PARD3B: variants seen among roughly 807,000 people sequenced by gnomAD.
PARD3B encodes partitioning defective 3 homolog B.
In PARD3B, 103 loss-of-function variants were observed where a neutral mutation model predicts 130.2. The observed-to-expected ratio is 0.79, with a 90% CI of 0.67 to 0.93. The LOEUF is 0.93. PARD3B is among the 40% of genes least tolerant of loss of function. PARD3B has a pLI of 0.00. For missense variants in PARD3B, 1,609 were observed against 1,499.2 expected (o/e 1.07, Z -1.21); for synonymous variants, 583 against 553.2 (o/e 1.05, Z -0.76).
chr2:205,604,473 A>G (rs538229433), intron 22 of PARD3B, among the ~76,000 whole-genome samples: 2 of 152,294 alleles, frequency 1.3e-5, no homozygotes, highest in African/African-American at 2.4e-5. Context: ...CCATTATTCA[A>G]TTACCTCCTA....
chr2:204,745,407 C>CTTT (rs71032405), intron 2 of PARD3B, among the ~76,000 whole-genome samples: 1 of 140,994 alleles, frequency 7.1e-6, no homozygotes, highest in Non-Finnish European at 1.6e-5. Flanking sequence ...TAAATACTAC[C>CTTT]TTTTTTTTTT....
intron 10 of PARD3B, among the ~76,000 whole-genome samples, chr2:205,150,820 A>G (rs1475856998): frequency 6.6e-6 from 1 of 152,194 alleles, no homozygotes; most frequent in Non-Finnish European, 1.5e-5. Flanking sequence ...TTGAACTCAC[A>G]GAGTAGAATG....
intron 16 of PARD3B, among the ~76,000 whole-genome samples, chr2:205,289,177 T>C (rs1038517884): frequency 6.6e-6 from 1 of 152,146 alleles, no homozygotes. Flanking sequence ...GTAAAGGAGA[T>C]AGAAGATGAT....
chr2:204,891,416 G>C (rs2046441312), intron 2 of PARD3B, among the ~76,000 whole-genome samples: 1 of 152,098 alleles, frequency 6.6e-6, no homozygotes, highest in Non-Finnish European at 1.5e-5. Context: ...TGCGTGCAAG[G>C]TCTCTGTATT....
chr2:205,178,178 A>AAAAAG (rs2035583674), intron 13 of PARD3B, among the ~76,000 whole-genome samples: 1 of 137,428 alleles, frequency 7.3e-6, no homozygotes, highest in Non-Finnish European at 1.6e-5. Flanking sequence ...AAAAAAAAAA[A>AAAAAG]TTAGTCTGAT....
chr2:204,798,337 T>G (rs556961545), intron 2 of PARD3B, among the ~76,000 whole-genome samples: 6 of 152,282 alleles, frequency 3.9e-5, no homozygotes, highest in African/African-American at 1.2e-4. Flanking sequence ...GTGGCACTCA[T>G]GGAGGGAGCA....
At chr2:204,754,038 G>A (rs1259748080) in intron 2 of PARD3B, among the ~76,000 whole-genome samples, 1 of 152,182 alleles carries the variant, frequency 6.6e-6, no homozygotes, top group African/African-American at 2.4e-5. Flanking sequence ...GCAAGTGTCT[G>A]TAAAGTTACT....
At chr2:205,089,052 T>A (rs1701926778) in intron 4 of PARD3B, among the ~76,000 whole-genome samples, 1 of 152,002 alleles carries the variant, frequency 6.6e-6, no homozygotes, top group Non-Finnish European at 1.5e-5. Flanking sequence ...CCACCTGCCT[T>A]GGCCTCCCAA....
chr2:205,575,465 G>A lies in PARD3B; in HGVS notation c.3260+22062G>A, dbSNP rs969687465. Among the ~76,000 whole-genome samples the A allele has an allele frequency of 1.3e-5, 2 of 151,982 alleles. No individual in the cohort carries two copies. The highest frequency in any genetic ancestry group is 4.8e-5 in the African/African-American group (2 of 41,384). ...TGGACAAGTGTATAATGACATGTAT[G>A]TATCATTATAGTATCATGCAAAGTG... On this transcript the variant is annotated intron_variant, in intron 22 of 22. Transcript: ENST00000406610. This position sits in a 1 kb window ranked among gnomAD's most constrained non-coding sequence, Gnocchi z 4.6.
intron 5 of PARD3B, among the ~76,000 whole-genome samples, chr2:205,107,356 T>C (rs1307787906): frequency 1.3e-5 from 2 of 152,222 alleles, no homozygotes; most frequent in African/African-American, 2.4e-5. Context: ...ACCTGTGCAA[T>C]CTTGGACTAA....
At chr2:204,580,354 C>A (rs984249548) in intron 1 of PARD3B, among the ~76,000 whole-genome samples, 19 of 152,088 alleles carry the variant, frequency 1.2e-4, no homozygotes, top group African/African-American at 4.6e-4. Context: ...GAAACCCAGG[C>A]CTTCTTTCTG....
intron 18 of PARD3B, among the ~76,000 whole-genome samples, chr2:205,363,099 C>T (rs1354662953): frequency 6.6e-6 from 1 of 152,024 alleles, no homozygotes; most frequent in African/African-American, 2.4e-5. Flanking sequence ...CACTGGAGGG[C>T]GGTATTAAAA....
intron 7 of PARD3B, among the ~76,000 whole-genome samples, chr2:205,120,047 A>G (rs987267570): frequency 6.6e-6 from 1 of 152,084 alleles, no homozygotes; most frequent in Non-Finnish European, 1.5e-5. Context: ...TCAATATTGT[A>G]TGCGTGTTTG....
intron 2 of PARD3B, among the ~76,000 whole-genome samples, chr2:204,925,729 C>A (rs1209246658): frequency 6.6e-6 from 1 of 152,002 alleles, no homozygotes; most frequent in African/African-American, 2.4e-5. Context: ...CTCATTCTTA[C>A]CCCTACTGAT....
chr2:205,367,301 A>G (rs998198407), intron 18 of PARD3B, among the ~76,000 whole-genome samples: 4 of 152,216 alleles, frequency 2.6e-5, no homozygotes, highest in Admixed American at 2.6e-4. Context: ...TGTTGTTTAT[A>G]TGAAGAGTCA....
At chr2:204,854,835 A>G (rs2044856241) in intron 2 of PARD3B, among the ~76,000 whole-genome samples, 1 of 152,140 alleles carries the variant, frequency 6.6e-6, no homozygotes, top group African/African-American at 2.4e-5. Context: ...GCGCGCCAGG[A>G]AAATTTAGGT....
At chr2:204,821,217 G>A (rs1033470455) in intron 2 of PARD3B, among the ~76,000 whole-genome samples, 2 of 152,152 alleles carry the variant, frequency 1.3e-5, no homozygotes, top group Non-Finnish European at 2.9e-5. Context: ...ACTGACTCAT[G>A]GGGGCAGGTC....
chr2:204,861,700 A>G (rs934403376), intron 2 of PARD3B, among the ~76,000 whole-genome samples: 2 of 152,048 alleles, frequency 1.3e-5, no homozygotes, highest in Non-Finnish European at 2.9e-5. Context: ...GTCAGTCTTT[A>G]TGATCCAGTT....
At chr2:205,317,855 T>G (rs1574682678) in intron 18 of PARD3B, among the ~76,000 whole-genome samples, 1 of 152,310 alleles carries the variant, frequency 6.6e-6, no homozygotes, top group South Asian at 2.1e-4. Context: ...TGTGCTTTCT[T>G]TAACTTGAGC....
Sources: allele counts gnomAD v4.1 joint callset (sites outside exome capture counted in the v4.1 genomes callset), GRCh38; gene constraint gnomAD v4.1.1; non-coding constraint Gnocchi (gnomAD v3.1); transcripts MANE v1.5; gene names NCBI Gene and HGNC (gene_info 2026-07-23, HGNC 2026-07-21).